The following CPAMD8 variants were observed in gnomAD, a reference collection of about 807,000 sequenced individuals.
CPAMD8 encodes the protein C3 and PZP-like alpha-2-macroglobulin domain-containing protein 8.
Under a neutral mutation model 224.7 loss-of-function variants are expected in CPAMD8, and 146 were observed. That is an observed-to-expected ratio of 0.65 (90% CI 0.57 to 0.75). The LOEUF (loss-of-function observed/expected upper bound fraction) is 0.75. CPAMD8 is among the 30% of genes least tolerant of loss of function. The probability of loss-of-function intolerance (pLI) is 0.00; values close to 1 mark genes in which losing one functional copy is unlikely to be tolerated. For synonymous variants in CPAMD8, 966 were observed against 1,044.6 expected (o/e 0.92, Z 1.45); for missense variants, 2,301 against 2,537.5 (o/e 0.91, Z 2.00).
At chr19:16,901,771 CA>C (rs1185156826) in intron 35 of CPAMD8, among the ~76,000 whole-genome samples, 1 of 152,126 alleles carries the variant, frequency 6.6e-6, no homozygotes, top group African/African-American at 2.4e-5. Flanking sequence ...CTGGAGCCTG[CA>C]ATATGCCAGG....
chr19:16,947,577 G>A (rs552800372), intron 20 of CPAMD8, among the ~76,000 whole-genome samples: 4 of 152,310 alleles, frequency 2.6e-5, no homozygotes, highest in Admixed American at 2.6e-4. Flanking sequence ...CCAGATGGAT[G>A]TAACCTCTCC....
intron 12 of CPAMD8, among the ~76,000 whole-genome samples, chr19:16,992,337 C>T (rs931328623): frequency 1.3e-5 from 2 of 152,170 alleles, no homozygotes; most frequent in Admixed American, 6.6e-5. Context: ...GGCCTATAAT[C>T]CCTATGCTTT....
intron 17 of CPAMD8, among the ~76,000 whole-genome samples, chr19:16,972,473 C>T (rs1474731695): frequency 1.3e-5 from 2 of 152,032 alleles, no homozygotes; most frequent in Admixed American, 1.3e-4. Context: ...CACTCTGTCG[C>T]CCAGGCTGGA....
rs1285982069 is a variant in CPAMD8 at position 16,992,966 on chromosome 19, T to C, written c.1266+450A>G. Among the ~76,000 whole-genome samples the C allele has an allele frequency of 3.3e-5, 5 of 151,760 alleles. No homozygotes were observed. The South Asian group carries it at 8.3e-4, about 25-fold the overall frequency. ...AAAAAAATCAGATCACTCTTTCGCCTGACACTGCCTTCCACTGAGCACCCG... is the reference window on the plus strand; with the variant it reads ...AAAAAAATCAGATCACTCTTTCGCCCGACACTGCCTTCCACTGAGCACCCG... On this transcript the variant is annotated intron_variant, in intron 12 of 41. Transcript: ENST00000443236.
chr19:17,012,906 G>A lies in CPAMD8; in HGVS notation c.268-1149C>T, dbSNP rs896399634. Among the ~76,000 whole-genome samples the A allele has an allele frequency of 3.3e-5, 5 of 152,362 alleles. No homozygotes were observed. In the East Asian group the frequency reaches 7.7e-4, roughly 24 times the overall value. On this transcript the variant is annotated intron_variant, in intron 3 of 41. Coordinates refer to ENST00000443236, the MANE Select transcript of CPAMD8 (RefSeq NM_015692.5). ...ACTCTAAAATCGCAGCACAGGCTGA[G>A]CGCAATGGCTCACACCTGTAATCCC...
rs779316488 is a variant in CPAMD8, at chr19:17,011,741, C to T, written c.284G>A (p.Arg95Gln). The change falls in exon 4 of 42, where the codon CGG becomes CAG. Residue 95 changes from arginine (R) to glutamine (Q), a missense_variant. Transcript: ENST00000443236. ...CCACACTTTCAGAAGCGCTTGGCCC[C>T]GGAGGCCCGTGGGCACCTGCAGGCA... is the stretch of plus-strand genomic sequence containing the variant. ...TIKLKVPTGL[R>Q]GQALLKVWGR... The T allele has an allele frequency of 1.6e-5, 26 of 1,613,520 alleles. 1 individual carries two copies. The highest frequency in any genetic ancestry group is 6.7e-5 in the African/African-American group (5 of 74,910).
chr19:17,009,773 CA>C (rs561836442), intron 5 of CPAMD8, among the ~76,000 whole-genome samples: 6,784 of 126,384 alleles, frequency 0.054, 152 homozygotes, highest in Middle Eastern at 0.085. Context: ...GACTCCGTCT[CA>C]AAAAAAAAAA....
Position 16,970,108 on chromosome 19 carries a change from G to A in CPAMD8, c.2213+783C>T, listed in dbSNP as rs557756287. 3.9e-4 allele frequency among the ~76,000 whole-genome samples: 58 copies of A among 149,878 alleles called. No homozygotes were observed. In the South Asian group the frequency reaches 0.01, roughly 27 times the overall value. ...AAAAAAAAAATTAGCGGGGTGTGGCGGGCGCCTATAGTCTCAGCTACTCAG... is the reference window on the plus strand; with the variant it reads ...AAAAAAAAAATTAGCGGGGTGTGGCAGGCGCCTATAGTCTCAGCTACTCAG... On this transcript the variant is annotated intron_variant, in intron 18 of 41. Transcript: ENST00000443236.
intron 29 of CPAMD8, among the ~76,000 whole-genome samples, chr19:16,909,531 G>C (rs562423508): frequency 2.0e-5 from 3 of 151,858 alleles, no homozygotes; most frequent in African/African-American, 7.3e-5. Context: ...GCAACAGAGC[G>C]AGACTCCATC....
intron 14 of CPAMD8, 128 bp from the exon 15 acceptor site, chr19:16,977,668 T>C: frequency 1.5e-6 from 1 of 662,706 alleles, no homozygotes; most frequent in South Asian, 2.2e-5. Context: ...AGTCTGCATC[T>C]TTGGTTTTGA....
At chr19:16,905,569 G>GAAAAAAAAAAA (rs397955787) in intron 30 of CPAMD8, among the ~76,000 whole-genome samples, 11 of 92,682 alleles carry the variant, frequency 1.2e-4, no homozygotes, top group African/African-American at 3.2e-4. Flanking sequence ...AGGAAGAAAA[G>GAAAAAAAAAAA]AAAAAAAAAA....
intron 30 of CPAMD8, among the ~76,000 whole-genome samples, chr19:16,905,559 A>C (rs1163925796): frequency 7.7e-6 from 1 of 129,540 alleles, no homozygotes; most frequent in Non-Finnish European, 1.6e-5. Context: ...AAAAAAAAAA[A>C]GGAAGAAAAG....
At chr19:16,941,710 C>T (rs1312835714) in intron 22 of CPAMD8, among the ~76,000 whole-genome samples, 1 of 152,200 alleles carries the variant, frequency 6.6e-6, no homozygotes, top group East Asian at 1.9e-4. Flanking sequence ...CACGGTGGCT[C>T]ACGCCTGTAA....
At chr19:16,976,442 C>A (rs1568552065) in intron 15 of CPAMD8, among the ~76,000 whole-genome samples, 2 of 151,864 alleles carry the variant, frequency 1.3e-5, no homozygotes, top group African/African-American at 4.9e-5. Flanking sequence ...TGTGGTTGCA[C>A]CCCAGCCAGG....
Position 17,004,471 on chromosome 19 carries a change from T to C in CPAMD8, c.560-85A>G, listed in dbSNP as rs1403709416. 4.7e-6 allele frequency: 4 copies of C among 845,530 alleles called. No homozygotes were observed. In the East Asian group the frequency reaches 7.5e-5, roughly 16 times the overall value. 52.4% of individuals were successfully genotyped at this position (845,530 alleles called of 1,614,324 possible). On this transcript the variant is annotated intron_variant, in intron 7 of 41. Coordinates refer to ENST00000443236, the MANE Select transcript of CPAMD8 (RefSeq NM_015692.5). ...GAAGAGGGAGCCAGGACCCTGCTCC[T>C]TCTCCTTCCCTGAGCAGCCCCCCAG... is the stretch of plus-strand genomic sequence containing the variant.
At chr19:16,958,218 T>C (rs1023638646) in intron 18 of CPAMD8, among the ~76,000 whole-genome samples, 27 of 152,200 alleles carry the variant, frequency 1.8e-4, no homozygotes, top group African/African-American at 5.3e-4. Context: ...GATTATTTCA[T>C]CACCCAGATA....
chr19:16,969,422 T>C (rs961456229), intron 18 of CPAMD8, among the ~76,000 whole-genome samples: 6 of 152,164 alleles, frequency 3.9e-5, no homozygotes, highest in Non-Finnish European at 7.4e-5. Flanking sequence ...CCCCTCACAG[T>C]GCACAGAATA....
chr19:17,015,048 C>G (rs886909376), intron 3 of CPAMD8, among the ~76,000 whole-genome samples: 9 of 152,190 alleles, frequency 5.9e-5, no homozygotes, highest in Non-Finnish European at 1.3e-4. Context: ...TCGGGACCAG[C>G]CTGGCCAACA....
At chr19:17,026,509 C>A in intron 1 of CPAMD8, 42 bp downstream of exon 1, 1 of 1,457,710 alleles carries the variant, frequency 6.9e-7, no homozygotes, top group Non-Finnish European at 9.0e-7. Context: ...GACCCCCACC[C>A]CAGAAGGCGA....
Sources: gnomAD v4.1 joint callset for allele counts (sites outside exome capture counted in the v4.1 genomes callset) on GRCh38, gnomAD v4.1.1 for gene constraint, MANE v1.5 for transcripts, NCBI Gene and HGNC (gene_info 2026-07-23, HGNC 2026-07-21) for gene names.